HS6ST3: variants seen among roughly 807,000 people sequenced by gnomAD.
The protein encoded by HS6ST3 is heparan sulfate 6-O-sulfotransferase 3, also known as heparan-sulfate 6-O-sulfotransferase 3.
HS6ST3 carries 12 observed loss-of-function variants against 36.7 expected under a neutral mutation model. That is an observed-to-expected ratio of 0.33 (90% CI 0.21 to 0.53). The LOEUF is 0.53. Among genes scored for constraint, HS6ST3 ranks in the 20% least tolerant of loss-of-function variants. The probability of loss-of-function intolerance (pLI) is 0.95; values close to 1 mark genes in which losing one functional copy is unlikely to be tolerated. For synonymous variants in HS6ST3, 240 were observed against 257.5 expected (o/e 0.93, Z 0.65); for missense variants, 584 against 640.9 (o/e 0.91, Z 0.96).
intron 1 of HS6ST3, among the ~76,000 whole-genome samples, chr13:96,471,269 C>A (rs192160639): frequency 8.1e-4 from 124 of 152,306 alleles, no homozygotes; most frequent in Non-Finnish European, 1.4e-3. Context: ...TAACTACTAG[C>A]TTCTGCTTCT....
intron 1 of HS6ST3, among the ~76,000 whole-genome samples, chr13:96,410,172 C>A (rs2055500201): frequency 6.6e-6 from 1 of 152,004 alleles, no homozygotes; most frequent in African/African-American, 2.4e-5. Flanking sequence ...AATCAAGATG[C>A]TACGCACAAA....
In HS6ST3 at chr13:96,217,199, G is replaced by C. The variant is rs866932795; in HGVS notation, c.707+125630G>C. On this transcript the variant is annotated intron_variant, in intron 1 of 1. Coordinates refer to ENST00000376705, the MANE Select transcript of HS6ST3 (RefSeq NM_153456.4). ...CGTCATATCTATTCTGAAAAGCCGG[G>C]GGTCTGACAGTAGCATTTATTGAAT... 2.0e-5 allele frequency among the ~76,000 whole-genome samples: 3 copies of C among 152,082 alleles called. No individual in the cohort carries two copies. The East Asian group carries it at 5.8e-4, about 29-fold the overall frequency.
intron 1 of HS6ST3, among the ~76,000 whole-genome samples, chr13:96,464,156 A>AAAAAAAAC: frequency 6.7e-6 from 1 of 149,136 alleles, no homozygotes; most frequent in Non-Finnish European, 1.5e-5. Flanking sequence ...AAAAAAAAAA[A>AAAAAAAAC]AAAAATCAAA....
intron 1 of HS6ST3, among the ~76,000 whole-genome samples, chr13:96,328,682 G>A (rs2055046902): frequency 6.6e-6 from 1 of 152,068 alleles, no homozygotes; most frequent in Non-Finnish European, 1.5e-5. Flanking sequence ...GTATCAGGAT[G>A]ATGCTGGCCT....
intron 1 of HS6ST3, among the ~76,000 whole-genome samples, chr13:96,254,496 T>TATATAC (rs2054627026): frequency 4.6e-5 from 1 of 21,892 alleles, no homozygotes; most frequent in African/African-American, 1.7e-4. Flanking sequence ...TATATATATA[T>TATATAC]ATACACATAC....
intron 1 of HS6ST3, among the ~76,000 whole-genome samples, chr13:96,761,121 T>G (rs75996735): frequency 0.042 from 6,163 of 147,238 alleles, 166 homozygotes; most frequent in African/African-American, 0.077. Flanking sequence ...TTTTTTCACT[T>G]TTTTTTTTTT....
rs535042144 is a variant in HS6ST3 at position 96,524,438 on chromosome 13, C to G, written c.708-308052C>G. 2.1e-3 allele frequency among the ~76,000 whole-genome samples: 321 copies of G among 152,312 alleles called. 4 individuals carry two copies. The highest frequency in any genetic ancestry group is 6.8e-4 in the Non-Finnish European group (46 of 68,028). On this transcript the variant is annotated intron_variant, in intron 1 of 1. Transcript: ENST00000376705. ...TAAGTCTGGAGAAGCTGTCTGCTGCCTTTTGTTCAGATATACCCTGCCCCC... is the reference window on the plus strand; with the variant it reads ...TAAGTCTGGAGAAGCTGTCTGCTGCGTTTTGTTCAGATATACCCTGCCCCC...
At chr13:96,644,902 AT>A (rs1465717715) in intron 1 of HS6ST3, among the ~76,000 whole-genome samples, 2 of 151,970 alleles carry the variant, frequency 1.3e-5, no homozygotes, top group Non-Finnish European at 2.9e-5. Flanking sequence ...AATAACAATT[AT>A]TTTAAGGATG....
intron 1 of HS6ST3, among the ~76,000 whole-genome samples, chr13:96,277,221 C>T (rs2054752683): frequency 6.6e-6 from 1 of 152,148 alleles, no homozygotes; most frequent in African/African-American, 2.4e-5. Context: ...TCCATGTACC[C>T]AGTGAAGGAT....
intron 1 of HS6ST3, among the ~76,000 whole-genome samples, chr13:96,180,120 C>T (rs140932773): frequency 2.4e-4 from 36 of 152,246 alleles, no homozygotes; most frequent in South Asian, 1.9e-3. Context: ...CAGGCGTGAC[C>T]CACCGCACCC....
chr13:96,548,366 T>C (rs1467080451), intron 1 of HS6ST3, among the ~76,000 whole-genome samples: 1 of 152,198 alleles, frequency 6.6e-6, no homozygotes, highest in Admixed American at 6.5e-5. Flanking sequence ...ATTTCACTTT[T>C]CCATCTTCTT....
intron 1 of HS6ST3, among the ~76,000 whole-genome samples, chr13:96,648,959 C>T (rs1333013818): frequency 6.6e-6 from 1 of 152,002 alleles, no homozygotes; most frequent in Non-Finnish European, 1.5e-5. Context: ...GCACTTTCTA[C>T]TATCTATATT....
chr13:96,536,287 T>C (rs961462462), intron 1 of HS6ST3, among the ~76,000 whole-genome samples: 6 of 152,256 alleles, frequency 3.9e-5, no homozygotes, highest in Non-Finnish European at 8.8e-5. Context: ...TAATCACATA[T>C]TTCCAAAGGC....
intron 1 of HS6ST3, among the ~76,000 whole-genome samples, chr13:96,274,340 C>T (rs2054737106): frequency 1.3e-5 from 2 of 151,900 alleles, no homozygotes; most frequent in African/African-American, 4.8e-5. Context: ...AACCAACCAG[C>T]TGAGGCCAGG....
intron 1 of HS6ST3, among the ~76,000 whole-genome samples, chr13:96,225,040 T>C (rs1016071808): frequency 3.3e-5 from 5 of 152,230 alleles, no homozygotes; most frequent in Non-Finnish European, 2.9e-5. Context: ...AGCTTGTAAG[T>C]TGGCAATTGA....
At chr13:96,656,509 G>A (rs952363426) in intron 1 of HS6ST3, among the ~76,000 whole-genome samples, 2 of 152,110 alleles carry the variant, frequency 1.3e-5, no homozygotes, top group Non-Finnish European at 2.9e-5. Flanking sequence ...TCAAACTTCT[G>A]CTCACTCTGA....
intron 1 of HS6ST3, among the ~76,000 whole-genome samples, chr13:96,718,017 G>T (rs946221677): frequency 6.6e-6 from 1 of 152,074 alleles, no homozygotes; most frequent in Non-Finnish European, 1.5e-5. Context: ...CAGTCTCCCT[G>T]TCTTAGACTT....
intron 1 of HS6ST3, among the ~76,000 whole-genome samples, chr13:96,280,953 C>A (rs1161295017): frequency 6.6e-6 from 1 of 152,116 alleles, no homozygotes; most frequent in Non-Finnish European, 1.5e-5. Flanking sequence ...TCGTATCCTG[C>A]TTCTCTTAAG....
intron 1 of HS6ST3, among the ~76,000 whole-genome samples, chr13:96,612,863 C>T (rs551307271): frequency 6.6e-6 from 1 of 152,258 alleles, no homozygotes; most frequent in East Asian, 1.9e-4. Flanking sequence ...ACCTGGCTTC[C>T]TTCCACCCCA....
Sources: gnomAD v4.1 joint callset for allele counts (sites outside exome capture counted in the v4.1 genomes callset) on GRCh38, gnomAD v4.1.1 for gene constraint, MANE v1.5 for transcripts, NCBI Gene and HGNC (gene_info 2026-07-23, HGNC 2026-07-21) for gene names.